TMEM229B: variants seen among roughly 807,000 people sequenced by gnomAD.
TMEM229B encodes the protein chromosome 14 open reading frame 83.
TMEM229B carries 6 observed loss-of-function variants against 13.7 expected under a neutral mutation model. The observed-to-expected ratio is 0.44, with a 90% CI of 0.24 to 0.86. The LOEUF is 0.86. Among genes scored for constraint, TMEM229B ranks in the 40% least tolerant of loss-of-function variants. The pLI is 0.23. For synonymous variants in TMEM229B, 107 were observed against 102.1 expected, an observed-to-expected ratio of 1.05 and a Z score of -0.29; for missense variants, 170 against 236.0, an observed-to-expected ratio of 0.72 and a Z score of 1.83.
upstream of TMEM229B, among the ~76,000 whole-genome samples, chr14:67,492,288 C>T (rs1278771392): frequency 1.3e-5 from 2 of 152,220 alleles, no homozygotes; most frequent in Non-Finnish European, 2.9e-5. Context: ...TAATTAGCTG[C>T]CTGGCCGCCG....
At chr14:67,475,193 G>A (rs1056038232) in intron 2 of TMEM229B, among the ~76,000 whole-genome samples, 1 of 152,216 alleles carries the variant, frequency 6.6e-6, no homozygotes, top group Non-Finnish European at 1.5e-5. Context: ...AGGATTACAG[G>A]CGTGAGCCAC....
upstream of TMEM229B, among the ~76,000 whole-genome samples, chr14:67,489,491 G>A (rs928624669): frequency 2.0e-5 from 3 of 152,076 alleles, no homozygotes; most frequent in African/African-American, 7.2e-5. Context: ...CTGGGAGCGT[G>A]AAGAAGCAGA....
upstream of TMEM229B, among the ~76,000 whole-genome samples, chr14:67,517,628 C>T (rs983187210): frequency 6.6e-6 from 1 of 152,160 alleles, no homozygotes; most frequent in African/African-American, 2.4e-5. Flanking sequence ...CTACTTTCTC[C>T]AGCTCTCCAG....
At chr14:67,513,905 G>T (rs2033111837) in intron 1 of TMEM229B, among the ~76,000 whole-genome samples, 1 of 152,188 alleles carries the variant, frequency 6.6e-6, no homozygotes, top group South Asian at 2.1e-4. Flanking sequence ...AAGCACTGGG[G>T]ACCTGGAACC....
At chr14:67,532,640 C>G (rs145901010) in intron 1 of TMEM229B, among the ~76,000 whole-genome samples, 1 of 152,286 alleles carries the variant, frequency 6.6e-6, no homozygotes, top group African/African-American at 2.4e-5. Context: ...ATCACTTGAG[C>G]TCCGGAGTTC....
intron 1 of TMEM229B, among the ~76,000 whole-genome samples, chr14:67,497,713 C>A (rs2032448068): frequency 6.6e-6 from 1 of 152,146 alleles, no homozygotes; most frequent in Non-Finnish European, 1.5e-5. Context: ...GGATACTGTA[C>A]TTTGTGTTCT....
chr14:67,525,494 A>G (rs1426855900), intron 1 of TMEM229B, among the ~76,000 whole-genome samples: 1 of 152,194 alleles, frequency 6.6e-6, no homozygotes, highest in Admixed American at 6.5e-5. Context: ...TATTGCTGCT[A>G]TAAATATTAG....
At chr14:67,509,228 T>C (rs1157693084) in intron 1 of TMEM229B, among the ~76,000 whole-genome samples, 1 of 152,208 alleles carries the variant, frequency 6.6e-6, no homozygotes, top group Non-Finnish European at 1.5e-5. Context: ...TACAGACCTC[T>C]CCTTACTGAA....
At chr14:67,520,037 T>C (rs1369949299), upstream of TMEM229B, among the ~76,000 whole-genome samples, 11 of 152,118 alleles carry the variant, frequency 7.2e-5, no homozygotes, top group Non-Finnish European at 1.3e-4. Context: ...CTTTATTTTT[T>C]ACAGTGGTTT....
intron 2 of TMEM229B, among the ~76,000 whole-genome samples, chr14:67,486,510 C>T (rs11622063): frequency 1 from 151,894 of 152,266 alleles, 75,762 homozygotes; most frequent in Middle Eastern, 1. Flanking sequence ...GTTGACCTTG[C>T]GATCCACCCA....
At chr14:67,498,593 G>A (rs2032483519) in intron 1 of TMEM229B, among the ~76,000 whole-genome samples, 1 of 152,204 alleles carries the variant, frequency 6.6e-6, no homozygotes, top group South Asian at 2.1e-4. Context: ...TGCCAAGAAA[G>A]ACGAAGGAAT....
chr14:67,507,475 G>A (rs1214059899), intron 1 of TMEM229B, among the ~76,000 whole-genome samples: 1 of 152,108 alleles, frequency 6.6e-6, no homozygotes, highest in Non-Finnish European at 1.5e-5. Context: ...AGTCCCCAGG[G>A]TCTCGGTCTT....
chr14:67,529,073 G>A (rs2033408989), intron 1 of TMEM229B, among the ~76,000 whole-genome samples: 1 of 151,962 alleles, frequency 6.6e-6, no homozygotes, highest in South Asian at 2.1e-4. Context: ...ACACCTTCAA[G>A]TTCCCTCCTC....
upstream of TMEM229B, among the ~76,000 whole-genome samples, chr14:67,490,412 G>A (rs997069366): frequency 2.0e-5 from 3 of 152,218 alleles, no homozygotes; most frequent in Non-Finnish European, 2.9e-5. Flanking sequence ...GACTGTTCCA[G>A]GCATCAGGGG....
chr14:67,474,914 C>CTTT (rs71129825), intron 2 of TMEM229B, among the ~76,000 whole-genome samples: 4,726 of 124,908 alleles, frequency 0.038, 400 homozygotes, highest in African/African-American at 0.14. Context: ...GAATTTCCTT[C>CTTT]TTTTTTTTTT....
chr14:67,521,642 G>C (rs1027659268), intron 1 of TMEM229B, among the ~76,000 whole-genome samples: 1 of 152,234 alleles, frequency 6.6e-6, no homozygotes, highest in African/African-American at 2.4e-5. Context: ...AAGAACTCAT[G>C]ATTCTGTGAT....
intron 2 of TMEM229B, among the ~76,000 whole-genome samples, chr14:67,478,157 C>T (rs1028359752): frequency 6.6e-6 from 1 of 152,268 alleles, no homozygotes; most frequent in Non-Finnish European, 1.5e-5. Context: ...CTCCACTCCA[C>T]CTGTCTCTCA....
At chr14:67,500,153 G>T (rs2032546048) in intron 1 of TMEM229B, among the ~76,000 whole-genome samples, 1 of 152,030 alleles carries the variant, frequency 6.6e-6, no homozygotes, top group Admixed American at 6.6e-5. Flanking sequence ...AACAGAGTGA[G>T]ACCCTGTCTC....
intron 1 of TMEM229B, among the ~76,000 whole-genome samples, chr14:67,512,368 A>G (rs991029691): frequency 6.6e-6 from 1 of 152,268 alleles, no homozygotes; most frequent in Non-Finnish European, 1.5e-5. Context: ...GAAATTCCTC[A>G]GCTCAGAACA....
Sources: gnomAD v4.1 joint callset for allele counts (sites outside exome capture counted in the v4.1 genomes callset) on GRCh38, gnomAD v4.1.1 for gene constraint, MANE v1.5 for transcripts, NCBI Gene and HGNC (gene_info 2026-07-23, HGNC 2026-07-21) for gene names.